Variants in BIRC6 observed in about 807,000 individuals in gnomAD.
The protein encoded by BIRC6 is dual E2 ubiquitin-conjugating enzyme/E3 ubiquitin-protein ligase BIRC6.
A neutral mutation model predicts 503.3 loss-of-function variants in BIRC6; 98 were observed. The observed-to-expected ratio is 0.19, with a 90% CI of 0.17 to 0.23. The LOEUF (loss-of-function observed/expected upper bound fraction) is 0.23, where lower values mean the gene tolerates loss of function less well. Among genes scored for constraint, BIRC6 ranks in the 10% least tolerant of loss-of-function variants. The pLI, the probability that BIRC6 is intolerant of heterozygous loss-of-function variation, is 1.00. For missense variants in BIRC6, 5,360 were observed against 5,806.0 expected (o/e 0.92, Z 2.50); for synonymous variants, 2,240 against 2,078.7 (o/e 1.08, Z -2.11).
chr2:32,479,019 A>G (rs2050081590), intron 36 of BIRC6, among the ~76,000 whole-genome samples: 1 of 152,200 alleles, frequency 6.6e-6, no homozygotes, highest in African/African-American at 2.4e-5. Context: ...AGTCGCGATA[A>G]ATGCAAGGCT....
intron 22 of BIRC6, among the ~76,000 whole-genome samples, chr2:32,449,337 G>T (rs1470033935): frequency 6.6e-6 from 1 of 152,054 alleles, no homozygotes. Flanking sequence ...CTGTAATAAG[G>T]ATGCACAAAC....
At chr2:32,395,470 AT>A in intron 5 of BIRC6, 40 bp from the exon 6 acceptor site, 1 of 1,413,800 alleles carries the variant, frequency 7.1e-7, no homozygotes, top group Non-Finnish European at 9.9e-7. Context: ...TATTTTAATA[AT>A]GATTTACCTT....
At chr2:32,607,347 A>G (rs1470162361) in intron 71 of BIRC6, 108 bp from the exon 72 acceptor site, 1 of 732,026 alleles carries the variant, frequency 1.4e-6, no homozygotes, top group Non-Finnish European at 2.1e-6. Context: ...TGTGATAGAA[A>G]TTTGTGGAAA....
At position 32,357,262 on chromosome 2, in the gene BIRC6, C is replaced by T; in HGVS notation, c.101C>T (p.Ala34Val). The change falls in exon 1 of 74, where the codon GCG (alanine) becomes GTG (valine). Residue 34 changes from alanine to valine, a missense_variant. Coordinates refer to ENST00000421745, the MANE Select transcript of BIRC6 (RefSeq NM_016252.4). This position sits in a 1 kb window ranked among gnomAD's most constrained non-coding sequence, Gnocchi z 4.9. ...SAGRKMAAAA[A>V]AASGPGCSSA... ...GGCCGGAAGATGGCGGCTGCGGCTG[C>T]GGCGGCCTCGGGCCCCGGCTGCTCC... 6.6e-7 allele frequency: 1 copy of T among 1,521,462 alleles called. No homozygotes were observed. The allele number at this position is 1,521,462 out of a possible 1,614,324, so 94.2% of individuals were successfully genotyped here. A position where few individuals can be genotyped will look rare whatever the true frequency, so the allele number is the denominator to read the frequency against.
chr2:32,384,761 C>T (rs148716025), intron 3 of BIRC6, among the ~76,000 whole-genome samples: 1 of 152,270 alleles, frequency 6.6e-6, no homozygotes, highest in East Asian at 1.9e-4. Flanking sequence ...TATCTGTTGC[C>T]ATGGTATTTT....
In BIRC6 at chr2:32,437,438, C is replaced by T. The variant is rs1055384687; in HGVS notation, c.3631+1254C>T. On this transcript the variant is annotated intron_variant, in intron 15 of 73. Coordinates refer to ENST00000421745, the MANE Select transcript of BIRC6 (RefSeq NM_016252.4). ...TGGGATGTAGAGATCCTTCTCCAAC[C>T]CAAGAAAATAACTGACCAACTATAT... is the stretch of plus-strand genomic sequence containing the variant. 4.6e-5 allele frequency among the ~76,000 whole-genome samples: 7 copies of T among 152,130 alleles called. No individual in the cohort carries two copies. In the East Asian group the frequency reaches 9.7e-4, roughly 21 times the overall value.
At chr2:32,580,529 G>C (rs2060601959) in intron 66 of BIRC6, among the ~76,000 whole-genome samples, 1 of 152,132 alleles carries the variant, frequency 6.6e-6, no homozygotes, top group African/African-American at 2.4e-5. Flanking sequence ...AGCCTGGAGA[G>C]GAAATCAGGG....
intron 20 of BIRC6, 55 bp downstream of exon 20, chr2:32,443,643 T>C (rs1558740171): frequency 7.9e-7 from 1 of 1,271,512 alleles, no homozygotes; most frequent in Non-Finnish European, 1.1e-6. Context: ...ACATCTCATA[T>C]GTATACTTAG....
chr2:32,443,318 T>G, intron 19 of BIRC6, 173 bp from the exon 20 acceptor site: 1 of 546,326 alleles, frequency 1.8e-6, no homozygotes, highest in Non-Finnish European at 3.2e-6. Context: ...ACAACCCTCC[T>G]TAGTATAATC....
At chr2:32,460,184 C>T (rs556975229) in intron 23 of BIRC6, among the ~76,000 whole-genome samples, 1 of 121,112 alleles carries the variant, frequency 8.3e-6, no homozygotes, top group East Asian at 2.3e-4. Flanking sequence ...ATATATATAT[C>T]TCATATGTGA....
chr2:32,383,298 C>T (rs2037958822), intron 3 of BIRC6, among the ~76,000 whole-genome samples: 1 of 152,146 alleles, frequency 6.6e-6, no homozygotes, highest in Non-Finnish European at 1.5e-5. Context: ...CCACCTTGGC[C>T]TCCCAAAGTG....
intron 57 of BIRC6, 60 bp from the exon 58 acceptor site, chr2:32,524,827 TA>T: frequency 8.9e-7 from 1 of 1,121,080 alleles, no homozygotes; most frequent in Non-Finnish European, 1.2e-6. Context: ...CTGAAACATA[TA>T]TTACTTCTCT....
intron 20 of BIRC6, among the ~76,000 whole-genome samples, chr2:32,444,031 G>GTTTTTTTTTTTTTTTTTTTTTTTT (rs776568064): frequency 7.3e-6 from 1 of 136,884 alleles, no homozygotes; most frequent in African/African-American, 2.8e-5. Flanking sequence ...GGGACCAGTG[G>GTTTTTTTTTTTTTTTTTTTTTTTT]TTTTTTTTTT....
At position 32,380,108 on chromosome 2, in the gene BIRC6, G is replaced by T. The variant is rs1267804316; in HGVS notation, c.508-45G>T. The T allele has an allele frequency of 5.2e-6, 7 of 1,333,886 alleles. No homozygotes were observed. The African/African-American group carries it at 8.9e-5, about 17-fold the overall frequency. 82.6% of individuals were successfully genotyped at this position (1,333,886 alleles called of 1,614,324 possible). ...CTGAATTTAATTTTTTGTTGTTCTTGTGTTGAATTTTCTGTGATTTTTTTA... is the reference window on the plus strand; with the variant it reads ...CTGAATTTAATTTTTTGTTGTTCTTTTGTTGAATTTTCTGTGATTTTTTTA... On this transcript the variant is annotated intron_variant, in intron 2 of 73. Coordinates refer to ENST00000421745, the MANE Select transcript of BIRC6 (RefSeq NM_016252.4).
At chr2:32,472,212 G>A (rs534598083) in intron 32 of BIRC6, among the ~76,000 whole-genome samples, 17 of 152,186 alleles carry the variant, frequency 1.1e-4, no homozygotes, top group East Asian at 1.9e-4. Context: ...GATTATAGGC[G>A]TGTACCACCA....
rs764635466 is a variant in BIRC6 at position 32,501,702 on chromosome 2, A to C, written c.9032-11A>C. 8 of 1,603,060 alleles carry C rather than the reference A, an allele frequency of 5.0e-6. No individual in the cohort carries two copies. The highest frequency in any genetic ancestry group is 6.0e-6 in the Non-Finnish European group (7 of 1,176,006). The stretch of plus-strand genomic sequence containing the variant: ...ATATACTTTTAATGTGGTATCTTTT[A>C]TTTTTCTTAGGAGCAAGTGGATTAC... On this transcript the variant is annotated splice_polypyrimidine_tract_variant and intron_variant, in intron 46 of 73. Transcript: ENST00000421745.
At chr2:32,362,637 TA>T (rs1363994591) in intron 1 of BIRC6, among the ~76,000 whole-genome samples, 1 of 152,056 alleles carries the variant, frequency 6.6e-6, no homozygotes, top group African/African-American at 2.4e-5. Flanking sequence ...GTTTTAAAAA[TA>T]AAAAAGCTAC....
chr2:32,597,695 T>A, intron 68 of BIRC6, 56 bp from the exon 69 acceptor site: 1 of 1,301,846 alleles, frequency 7.7e-7, no homozygotes, highest in East Asian at 2.4e-5. Flanking sequence ...TTTGTGATTT[T>A]TGTCATTATA....
At chr2:32,507,068 C>T (rs2053874711) in intron 50 of BIRC6, among the ~76,000 whole-genome samples, 1 of 151,926 alleles carries the variant, frequency 6.6e-6, no homozygotes, top group Non-Finnish European at 1.5e-5. Context: ...TCTGGTAGTT[C>T]ATTGGGGACT....
Sources: gnomAD v4.1 joint callset for allele counts (sites outside exome capture counted in the v4.1 genomes callset) on GRCh38, gnomAD v4.1.1 for gene constraint, Gnocchi (gnomAD v3.1) non-coding constraint, MANE v1.5 for transcripts, NCBI Gene and HGNC (gene_info 2026-07-23, HGNC 2026-07-21) for gene names.